PLPPR1: variants seen among roughly 807,000 people sequenced by gnomAD.
The protein encoded by PLPPR1 is phospholipid phosphatase related 1.
A neutral mutation model predicts 33.1 loss-of-function variants in PLPPR1; 10 were observed. The ratio of observed to expected loss-of-function variants is 0.30; its 90% confidence interval spans 0.19 to 0.51. The LOEUF (loss-of-function observed/expected upper bound fraction) is 0.51. Among genes scored for constraint, PLPPR1 ranks in the 20% least tolerant of loss-of-function variants. The pLI is 0.97. For synonymous variants in PLPPR1, 151 were observed against 151.0 expected, an observed-to-expected ratio of 1.00 and a Z score of 0.00; for missense variants, 304 against 408.1, an observed-to-expected ratio of 0.74 and a Z score of 2.20.
intron 4 of PLPPR1, among the ~76,000 whole-genome samples, chr9:101,302,472 T>C (rs181934731): frequency 6.6e-6 from 1 of 152,306 alleles, no homozygotes; most frequent in East Asian, 1.9e-4. Context: ...TGGTCTTCAA[T>C]AGTTGAATTG....
chr9:101,200,989 T>C (rs777995517), intron 2 of PLPPR1, among the ~76,000 whole-genome samples: 5 of 152,136 alleles, frequency 3.3e-5, no homozygotes, highest in Non-Finnish European at 7.4e-5. Flanking sequence ...AAAAGTATTT[T>C]TCATGGTTCT....
intron 1 of PLPPR1, among the ~76,000 whole-genome samples, chr9:101,111,779 G>A (rs932651833): frequency 6.6e-6 from 1 of 152,102 alleles, no homozygotes; most frequent in African/African-American, 2.4e-5. Context: ...CAGTGCAAAT[G>A]CTTGCATTTC....
intron 7 of PLPPR1, among the ~76,000 whole-genome samples, chr9:101,318,493 C>T (rs529704640): frequency 2.8e-4 from 42 of 152,168 alleles, no homozygotes; most frequent in South Asian, 6.2e-4. Context: ...GAAGACAGGC[C>T]GAGCGTGGTG....
chr9:101,256,836 C>T (rs190793044), intron 2 of PLPPR1, among the ~76,000 whole-genome samples: 222 of 152,086 alleles, frequency 1.5e-3, no homozygotes, highest in Middle Eastern at 6.8e-3. Context: ...GTATATTTAT[C>T]CTGATAGAAA....
At chr9:101,273,103 T>G (rs967870901) in intron 3 of PLPPR1, among the ~76,000 whole-genome samples, 4 of 152,220 alleles carry the variant, frequency 2.6e-5, no homozygotes, top group Non-Finnish European at 5.9e-5. Context: ...TATTAGGATT[T>G]TTTAAGGCCA....
rs1202480552 is a variant in PLPPR1, at chr9:101,178,976, C to T, written c.-45-6474C>T. On this transcript the variant is annotated intron_variant, in intron 1 of 7. Transcript: ENST00000374874. ...TCACCAGGAGATACAACAATGATTC[C>T]ATTAAACTGAAAGTTAAGAGTGCCA... Among the ~76,000 whole-genome samples the T allele has an allele frequency of 2.0e-5, 3 of 152,098 alleles. No homozygotes were observed. The South Asian group carries it at 6.2e-4, about 32-fold the overall frequency.
chr9:101,249,884 G>A (rs755822706), intron 2 of PLPPR1, among the ~76,000 whole-genome samples: 14 of 152,004 alleles, frequency 9.2e-5, no homozygotes, highest in Non-Finnish European at 2.1e-4. Context: ...GCTGGACAAT[G>A]GGCACAGCTG....
intron 1 of PLPPR1, among the ~76,000 whole-genome samples, chr9:101,062,149 GGTGT>G (rs56998660): frequency 0.031 from 4,551 of 148,492 alleles, 100 homozygotes; most frequent in East Asian, 0.076. Flanking sequence ...GACAAAATGT[GGTGT>G]GTGTGTGTGT....
chr9:101,224,691 A>G (rs1403540287), intron 2 of PLPPR1, among the ~76,000 whole-genome samples: 1 of 152,190 alleles, frequency 6.6e-6, no homozygotes, highest in African/African-American at 2.4e-5. Flanking sequence ...TCAGTGCCAC[A>G]GTCTGGCTGA....
intron 1 of PLPPR1, among the ~76,000 whole-genome samples, chr9:101,161,352 A>T (rs1055762111): frequency 1.3e-5 from 2 of 152,156 alleles, no homozygotes; most frequent in Admixed American, 6.5e-5. Context: ...CTCTCTACAA[A>T]CTTGCAAATA....
chr9:101,056,407 A>G (rs1381857357), intron 1 of PLPPR1, among the ~76,000 whole-genome samples: 1 of 152,162 alleles, frequency 6.6e-6, no homozygotes, highest in Non-Finnish European at 1.5e-5. Context: ...AAATCCTGAG[A>G]GAATTTGTTT....
At chr9:101,137,621 T>C (rs1465906024) in intron 1 of PLPPR1, among the ~76,000 whole-genome samples, 1 of 152,118 alleles carries the variant, frequency 6.6e-6, no homozygotes, top group Non-Finnish European at 1.5e-5. Flanking sequence ...GTGCAAGGCA[T>C]AGCCTGCATA....
chr9:101,218,604 G>A (rs943738148), intron 2 of PLPPR1, among the ~76,000 whole-genome samples: 3 of 152,114 alleles, frequency 2.0e-5, no homozygotes, highest in African/African-American at 7.2e-5. Context: ...CCCATAGTAA[G>A]CTTTCAAATG....
At chr9:101,311,746 G>T (rs1828960027) in intron 5 of PLPPR1, among the ~76,000 whole-genome samples, 1 of 152,114 alleles carries the variant, frequency 6.6e-6, no homozygotes, top group Admixed American at 6.6e-5. Flanking sequence ...ACTGTAAAAT[G>T]CGTCTATTTT....
chr9:101,085,720 T>C (rs1324957362), intron 1 of PLPPR1, among the ~76,000 whole-genome samples: 1 of 152,172 alleles, frequency 6.6e-6, no homozygotes, highest in Non-Finnish European at 1.5e-5. Context: ...ACAGGGACTT[T>C]AAATGAGGCT....
At chr9:101,289,105 C>T (rs1828447897) in intron 4 of PLPPR1, among the ~76,000 whole-genome samples, 1 of 152,198 alleles carries the variant, frequency 6.6e-6, no homozygotes, top group African/African-American at 2.4e-5. Context: ...CACATGGCCT[C>T]CAAAGGAAAG....
At chr9:101,090,746 C>CAAAG (rs1830731982) in intron 1 of PLPPR1, among the ~76,000 whole-genome samples, 1 of 90,604 alleles carries the variant, frequency 1.1e-5, no homozygotes, top group Non-Finnish European at 2.3e-5. Flanking sequence ...AACAAACAAA[C>CAAAG]AAACAAACAG....
At chr9:101,231,724 A>G (rs1827191199) in intron 2 of PLPPR1, among the ~76,000 whole-genome samples, 1 of 152,128 alleles carries the variant, frequency 6.6e-6, no homozygotes, top group African/African-American at 2.4e-5. Context: ...CCCATATATT[A>G]GAGAAACATC....
chr9:101,146,887 A>T (rs1831527410), intron 1 of PLPPR1, among the ~76,000 whole-genome samples: 1 of 152,204 alleles, frequency 6.6e-6, no homozygotes, highest in East Asian at 1.9e-4. Context: ...CCTTGTTCTG[A>T]TTCCACGTGG....
Sources: gnomAD v4.1 joint callset for allele counts (sites outside exome capture counted in the v4.1 genomes callset) on GRCh38, gnomAD v4.1.1 for gene constraint, MANE v1.5 for transcripts, NCBI Gene and HGNC (gene_info 2026-07-23, HGNC 2026-07-21) for gene names.